Variants in MBTPS1 observed in about 807,000 individuals in gnomAD.
The protein encoded by MBTPS1 is membrane-bound transcription factor site-1 protease.
MBTPS1 carries 94 observed loss-of-function variants against 127.8 expected under a neutral mutation model. The ratio of observed to expected loss-of-function variants is 0.74; its 90% CI spans 0.62 to 0.87. The LOEUF (loss-of-function observed/expected upper bound fraction) is 0.87. Among genes scored for constraint, MBTPS1 ranks in the 40% least tolerant of loss-of-function variants. The pLI is 0.00. For synonymous variants in MBTPS1, 632 were observed against 509.4 expected, an observed-to-expected ratio of 1.24 and a Z score of -3.24; for missense variants, 1,636 against 1,353.2, an observed-to-expected ratio of 1.21 and a Z score of -3.28.
intron 3 of MBTPS1, among the ~76,000 whole-genome samples, chr16:84,098,071 G>C (rs1281092756): frequency 6.6e-6 from 1 of 151,982 alleles, no homozygotes; most frequent in Non-Finnish European, 1.5e-5. Context: ...ACATATCTTT[G>C]GAAAATATCA....
At chr16:84,082,002 C>T (rs892760793) in intron 10 of MBTPS1, 94 bp from the exon 11 acceptor site, 3 of 910,024 alleles carry the variant, frequency 3.3e-6, no homozygotes, top group Non-Finnish European at 4.5e-6. Flanking sequence ...ACACAAGAGG[C>T]CTGCAGTCTT....
chr16:84,106,205 G>T (rs548751444), intron 1 of MBTPS1, among the ~76,000 whole-genome samples: 2 of 152,142 alleles, frequency 1.3e-5, no homozygotes, highest in African/African-American at 2.4e-5. Flanking sequence ...TCAGGCAGAA[G>T]AATCACTTGA....
intron 10 of MBTPS1, among the ~76,000 whole-genome samples, chr16:84,082,363 C>T (rs1319523315): frequency 1.3e-5 from 2 of 152,102 alleles, no homozygotes; most frequent in African/African-American, 2.4e-5. Context: ...GAGTGAGGAC[C>T]GCCGCCTCCA....
At chr16:84,087,140 G>A (rs1354833699) in intron 9 of MBTPS1, among the ~76,000 whole-genome samples, 1 of 152,208 alleles carries the variant, frequency 6.6e-6, no homozygotes, top group African/African-American at 2.4e-5. Context: ...GCTCATCACA[G>A]CAGCTGTGGA....
intron 14 of MBTPS1, 100 bp downstream of exon 14, chr16:84,069,766 C>A (rs988586633): frequency 9.5e-6 from 11 of 1,156,372 alleles, no homozygotes; most frequent in South Asian, 9.0e-5. Context: ...CCAGGCTCCA[C>A]GAGAAGCTGA....
rs929172926 is a variant in MBTPS1, at chr16:84,116,093, C to T, written c.-325+642G>A. 3.9e-5 allele frequency among the ~76,000 whole-genome samples: 6 copies of T among 152,170 alleles called. No individual in the cohort carries two copies. In the East Asian group the frequency reaches 1.2e-3, roughly 29 times the overall value. ...AGAATTCAACGCAGGTCGTATTCCA[C>T]TCCACGTAATTTCGAAGTGTCAATC... On this transcript the variant is annotated intron_variant, in intron 1 of 22. Transcript: ENST00000343411.
At chr16:84,082,279 G>A (rs1419674785) in intron 10 of MBTPS1, 5 of 155,244 alleles carry the variant, frequency 3.2e-5, no homozygotes, top group Non-Finnish European at 7.1e-5. Flanking sequence ...GACACCGCCT[G>A]GCTGGGAGAA....
At chr16:84,070,494 C>T in intron 13 of MBTPS1, 94 bp downstream of exon 13, 1 of 1,282,856 alleles carries the variant, frequency 7.8e-7, no homozygotes, top group South Asian at 1.3e-5. Context: ...GTCAACTGTA[C>T]TTCCAATGGA....
intron 1 of MBTPS1, among the ~76,000 whole-genome samples, chr16:84,106,580 G>A (rs966457806): frequency 6.6e-6 from 1 of 152,226 alleles, no homozygotes; most frequent in African/African-American, 2.4e-5. Context: ...AGCCAAAGAT[G>A]AAATCTGAGG....
intron 7 of MBTPS1, among the ~76,000 whole-genome samples, chr16:84,091,280 G>C (rs530434202): frequency 6.6e-6 from 1 of 152,152 alleles, no homozygotes; most frequent in Non-Finnish European, 1.5e-5. Context: ...GAGGTCAGGA[G>C]TTGGAGACCA....
intron 11 of MBTPS1, among the ~76,000 whole-genome samples, chr16:84,078,022 T>C (rs1228652244): frequency 6.6e-6 from 1 of 152,120 alleles, no homozygotes; most frequent in East Asian, 1.9e-4. Flanking sequence ...TGAAATACCA[T>C]TTCTTACCAA....
At chr16:84,090,988 C>T in intron 7 of MBTPS1, 46 bp from the exon 8 acceptor site, 2 of 905,558 alleles carry the variant, frequency 2.2e-6, no homozygotes, top group South Asian at 1.5e-5. Flanking sequence ...TTTCATTAAA[C>T]ATATAACTGT....
At position 84,065,722 on chromosome 16, in the gene MBTPS1, C is replaced by T. The variant is rs771967451; in HGVS notation, c.2399G>A (p.Gly800Asp). Residue 800 changes from glycine to aspartate, a missense_variant, in exon 18 of 23, where the codon GGC becomes GAC. Gly to Asp is a moderately conservative substitution (Grantham distance 94). Coordinates refer to ENST00000343411, the MANE Select transcript of MBTPS1 (RefSeq NM_003791.4). ...GCSIAKFPEDGVVITQTFKDQ... is the reference protein window; with the variant it reads ...GCSIAKFPEDDVVITQTFKDQ... Reference sequence around the variant, plus strand: ...CTTGAAAGTCTGTGTTATCACGACGCCATCTTCTGGAAACTTCGCGATGCT... The same window carrying T: ...CTTGAAAGTCTGTGTTATCACGACGTCATCTTCTGGAAACTTCGCGATGCT... 6.2e-7 allele frequency: 1 copy of T among 1,612,086 alleles called. No homozygotes were observed. Among genetic ancestry groups the T allele is most frequent in the Non-Finnish European group, 8.5e-7 (1 of 1,179,404 alleles).
At chr16:84,108,078 T>C (rs1334341186) in intron 1 of MBTPS1, among the ~76,000 whole-genome samples, 1 of 151,936 alleles carries the variant, frequency 6.6e-6, no homozygotes, top group African/African-American at 2.4e-5. Flanking sequence ...CAGACTGCAC[T>C]TTCCAGGGTC....
chr16:84,098,475 T>C (rs1403189894), intron 3 of MBTPS1, among the ~76,000 whole-genome samples: 1 of 152,096 alleles, frequency 6.6e-6, no homozygotes, highest in African/African-American at 2.4e-5. Flanking sequence ...CCAGGCATGG[T>C]GGCGCATGCC....
intron 19 of MBTPS1, among the ~76,000 whole-genome samples, chr16:84,062,679 C>A (rs897029244): frequency 6.6e-6 from 1 of 152,164 alleles, no homozygotes; most frequent in African/African-American, 2.4e-5. Context: ...ATTCTTTCTC[C>A]CCTTTACAAA....
intron 19 of MBTPS1, among the ~76,000 whole-genome samples, chr16:84,062,080 C>A (rs1285618011): frequency 6.6e-6 from 1 of 152,186 alleles, no homozygotes; most frequent in Non-Finnish European, 1.5e-5. Flanking sequence ...CATTAACCTC[C>A]TTTAACTGTG....
intron 11 of MBTPS1, among the ~76,000 whole-genome samples, chr16:84,080,100 A>C (rs1303742735): frequency 1.3e-5 from 2 of 152,220 alleles, no homozygotes; most frequent in Non-Finnish European, 2.9e-5. Flanking sequence ...AACACACATA[A>C]GCCAACTAGA....
At chr16:84,055,845 G>A (rs1256918201) in intron 22 of MBTPS1, among the ~76,000 whole-genome samples, 160 bp downstream of exon 22, 2 of 152,242 alleles carry the variant, frequency 1.3e-5, no homozygotes, top group Non-Finnish European at 2.9e-5. Context: ...CCTTGCTCAT[G>A]CTGGTTTGTG....
Sources: allele counts gnomAD v4.1 joint callset (sites outside exome capture counted in the v4.1 genomes callset), GRCh38; gene constraint gnomAD v4.1.1; transcripts MANE v1.5; gene names NCBI Gene and HGNC (gene_info 2026-07-23, HGNC 2026-07-21).